Variants in SHROOM2 observed in about 807,000 individuals in gnomAD.
SHROOM2 encodes protein Shroom2.
A neutral mutation model predicts 75.9 loss-of-function variants in SHROOM2; 33 were observed. The ratio of observed to expected loss-of-function variants is 0.43; its 90% CI spans 0.33 to 0.58. The LOEUF (loss-of-function observed/expected upper bound fraction) is 0.58. SHROOM2 is among the 20% of genes least tolerant of loss of function. The pLI is 0.04. For missense variants in SHROOM2, 1,434 were observed against 1,461.2 expected (o/e 0.98, Z 0.30); for synonymous variants, 655 against 663.6 (o/e 0.99, Z 0.20).
chrX:9,788,662 G>C (rs765701238), intron 1 of SHROOM2, among the ~76,000 whole-genome samples: 1 of 111,433 alleles, frequency 9.0e-6, no homozygotes, highest in Non-Finnish European at 1.9e-5. Context: ...CCTTCAGTCA[G>C]TGCCATCTGC....
At chrX:9,945,773 G>A (rs1178423510) in intron 9 of SHROOM2, among the ~76,000 whole-genome samples, 1 of 112,051 alleles carries the variant, frequency 8.9e-6, no homozygotes, top group Non-Finnish European at 1.9e-5. Context: ...CAGTGGGTCT[G>A]TCTTTTCGTC....
chrX:9,939,441 C>G (rs1212154568), intron 8 of SHROOM2, 75 bp downstream of exon 8: 1 of 933,048 alleles, frequency 1.1e-6, no homozygotes, highest in African/African-American at 2.2e-5. Context: ...ACCATCCTGC[C>G]CCAGCGCAGA....
chrX:9,786,664 C>T lies in SHROOM2; in HGVS notation c.119C>T (p.Thr40Ile), dbSNP rs1450256460. Residue 40 changes from threonine to isoleucine, a missense_variant, in exon 1 of 10, where the codon ACC becomes ATC. This residue lies in a region of SHROOM2 where 1,340 missense variants were observed against 1,338.3 expected (regional missense o/e 1.00). Transcript: ENST00000380913. Reference protein sequence around the residue: ...QLSGGAPWGFTLKGGREHGEP... With the variant: ...QLSGGAPWGFILKGGREHGEP... The stretch of plus-strand genomic sequence containing the variant: ...AGCGGCGGCGCCCCGTGGGGCTTCA[C>T]CCTGAAGGGCGGCCGCGAGCACGGC... 3.4e-6 allele frequency: 3 copies of T among 887,875 alleles called. No homozygotes were observed. The highest frequency in any genetic ancestry group is 5.2e-5 in the East Asian group (1 of 19,147). The allele number at this position is 887,875 out of a possible 1,213,427, so 73.2% of individuals were successfully genotyped here.
At chrX:9,919,185 G>T (rs968855718) in intron 5 of SHROOM2, among the ~76,000 whole-genome samples, 2 of 111,116 alleles carry the variant, frequency 1.8e-5, no homozygotes, top group African/African-American at 6.6e-5. Flanking sequence ...GCTAGGAGGA[G>T]AGATACTAAA....
intron 1 of SHROOM2, among the ~76,000 whole-genome samples, chrX:9,833,849 C>T (rs1297107879): frequency 9.0e-6 from 1 of 111,314 alleles, no homozygotes; most frequent in Non-Finnish European, 1.9e-5. Flanking sequence ...CACTGAGATC[C>T]GACGGCCTCC....
intron 1 of SHROOM2, among the ~76,000 whole-genome samples, chrX:9,793,561 A>T (rs1488461881): frequency 9.0e-6 from 1 of 110,605 alleles, no homozygotes; most frequent in Non-Finnish European, 1.9e-5. Flanking sequence ...AAGTGCTGAG[A>T]TTACAGGCAT....
At position 9,932,772 on chromosome X, in the gene SHROOM2, G is replaced by A. The variant is rs140797565; in HGVS notation, c.3489G>A (p.Thr1163=). The A allele has an allele frequency of 1.1e-3, 1,362 of 1,208,712 alleles. 16 individuals are homozygous for A. The East Asian group carries it at 0.035, about 31-fold the overall frequency. Residue 1163 remains threonine (T), a synonymous_variant, in exon 6 of 10, where the codon ACG becomes ACA. Coordinates refer to ENST00000380913, the MANE Select transcript of SHROOM2 (RefSeq NM_001649.4). ...AGCAGCAGCACCTGCGCCTGCAGACGGCCACCATGGAGACCTCGCGCTCCC... is the reference window on the plus strand; with the variant it reads ...AGCAGCAGCACCTGCGCCTGCAGACAGCCACCATGGAGACCTCGCGCTCCC... ...PPKQQHLRLQ[T]ATMETSRSPS...
intron 5 of SHROOM2, among the ~76,000 whole-genome samples, chrX:9,919,396 A>G (rs1291826632): frequency 1.1e-5 from 1 of 86,967 alleles, no homozygotes; most frequent in Non-Finnish European, 2.1e-5. Context: ...CAGTGGCATG[A>G]TATCAGCTCA....
chrX:9,897,037 C>T (rs1438057807), intron 4 of SHROOM2, among the ~76,000 whole-genome samples: 2 of 112,289 alleles, frequency 1.8e-5, no homozygotes. Context: ...TAACTAACGC[C>T]TCTGACATGG....
intron 1 of SHROOM2, among the ~76,000 whole-genome samples, chrX:9,834,741 A>G (rs998649866): frequency 3.6e-5 from 4 of 111,569 alleles, no homozygotes; most frequent in Non-Finnish European, 7.5e-5. Flanking sequence ...TGGCACAATC[A>G]TGGTTCACCT....
chrX:9,916,378 T>A (rs2084490951), intron 5 of SHROOM2, among the ~76,000 whole-genome samples: 1 of 112,512 alleles, frequency 8.9e-6, no homozygotes, highest in African/African-American at 3.2e-5. Context: ...TGTGGACATT[T>A]AGGGCTGCTG....
At chrX:9,927,356 CAAAAAAAAAAAAAAAAAAAA>C (rs56344026) in intron 5 of SHROOM2, among the ~76,000 whole-genome samples, 4 of 24,394 alleles carry the variant, frequency 1.6e-4, no homozygotes, top group East Asian at 4.7e-3. Flanking sequence ...TCTCTGTCTC[CAAAAAAAAAAAAAAAAAAAA>C]AAAAAAAAAA....
Position 9,937,354 on chromosome X carries a change from C to T in SHROOM2, c.3808C>T (p.Pro1270Ser), listed in dbSNP as rs758372078. The change falls in exon 7 of 10, where the codon CCC (proline) becomes TCC (serine). Residue 1270 changes from proline (P) to serine (S), a missense_variant. Coordinates refer to ENST00000380913, the MANE Select transcript of SHROOM2 (RefSeq NM_001649.4). ...FCLYTRQGAE[P>S]EAPHRAQPAE... is the part of the protein sequence containing the mutation. ...TCTGTACACGCGGCAGGGTGCTGAG[C>T]CCGAGGCCCCACATAGGGCCCAGCC... is the stretch of plus-strand genomic sequence containing the variant. The T allele has an allele frequency of 8.3e-7, 1 of 1,204,025 alleles. No individual in the cohort carries two copies. Among genetic ancestry groups the T allele is most frequent in the South Asian group, 1.8e-5 (1 of 55,818 alleles).
At position 9,937,194 on chromosome X, in the gene SHROOM2, C is replaced by G. The variant is rs1204724090; in HGVS notation, c.3648C>G (p.His1216Gln). 3 of 1,204,321 alleles carry G rather than the reference C, an allele frequency of 2.5e-6. No homozygotes were observed. The highest frequency in any genetic ancestry group is 3.0e-5 in the East Asian group (1 of 33,384). ...AGATGGTGCCCATCAAGATCGTGCA[C>G]TCGGAGAGCCAGCCAGAGAAGGAGA... ...TVKMVPIKIV[H>Q]SESQPEKESR... Residue 1216 changes from histidine to glutamine, a missense_variant, in exon 7 of 10, where the codon CAC becomes CAG. Around this residue, in one of 3 missense-constraint regions of SHROOM2, gnomAD observed 1,340 missense variants for 1,338.3 expected, o/e 1.00. Coordinates refer to ENST00000380913, the MANE Select transcript of SHROOM2 (RefSeq NM_001649.4).
At position 9,786,529 on chromosome X, in the gene SHROOM2, C is replaced by T; in HGVS notation, c.-17C>T. 1 of 845,631 alleles carries T rather than the reference C, an allele frequency of 1.2e-6. No individual in the cohort carries two copies. The highest frequency in any genetic ancestry group is 2.2e-5 in the African/African-American group (1 of 46,317). 69.7% of individuals were successfully genotyped at this position (845,631 alleles called of 1,213,427 possible). A position where few individuals can be genotyped will look rare whatever the true frequency, so the allele number is the denominator to read the frequency against. On this transcript the variant is annotated 5_prime_UTR_variant, in exon 1 of 10. It adds an upstream start codon to the 5' untranslated region. Coordinates refer to ENST00000380913, the MANE Select transcript of SHROOM2 (RefSeq NM_001649.4). Reference sequence around the variant, plus strand: ...GGAGTGCATGGGCGCGGGCCAGGGACGCTGAGCGGTCGCGCCATGGAGGGC... The same window carrying T: ...GGAGTGCATGGGCGCGGGCCAGGGATGCTGAGCGGTCGCGCCATGGAGGGC...
intron 3 of SHROOM2, among the ~76,000 whole-genome samples, chrX:9,891,932 G>A (rs1293825093): frequency 2.7e-5 from 3 of 109,933 alleles, no homozygotes; most frequent in African/African-American, 9.9e-5. Context: ...TGTGTTTGGA[G>A]CTAATGTAAC....
At chrX:9,921,531 C>G (rs5979210) in intron 5 of SHROOM2, among the ~76,000 whole-genome samples, 3,315 of 102,648 alleles carry the variant, frequency 0.032, 89 homozygotes, top group East Asian at 0.13. Context: ...GAATTATTAA[C>G]TACAGACGCT....
At position 9,816,425 on chromosome X, in the gene SHROOM2, A is replaced by T. The variant is rs73472962; in HGVS notation, c.165+29715A>T. 7.4e-3 allele frequency among the ~76,000 whole-genome samples: 832 copies of T among 112,421 alleles called. 8 individuals carry two copies. The highest frequency in any genetic ancestry group is 0.025 in the African/African-American group (790 of 31,018). On this transcript the variant is annotated intron_variant, in intron 1 of 9. Transcript: ENST00000380913. ...ATTAAAACTCACAATTTCAAAGGTC[A>T]TAGGATTTTTGTCCTGACCCCGGTG...
chrX:9,819,789 C>CT lies in SHROOM2; in HGVS notation c.165+33098dup, dbSNP rs1276529105. 7.5e-3 allele frequency among the ~76,000 whole-genome samples: 702 copies of CT among 93,005 alleles called. 9 individuals are homozygous for CT. Among genetic ancestry groups the CT allele is most frequent in the African/African-American group, 0.02 (514 of 25,287 alleles). The allele number at this position is 93,005 out of a possible 115,157, so 80.8% of individuals were successfully genotyped here. A position where few individuals can be genotyped will look rare whatever the true frequency, so the allele number is the denominator to read the frequency against. ...CGTCGAGTCCACCCTGCCAGTTTAT[C>CT]TTTTTTTTTTTTTTTTTTTCTTGAG... On this transcript the variant is annotated intron_variant, in intron 1 of 9. Coordinates refer to ENST00000380913, the MANE Select transcript of SHROOM2 (RefSeq NM_001649.4).
Sources: allele counts gnomAD v4.1 joint callset (sites outside exome capture counted in the v4.1 genomes callset), GRCh38; gene constraint gnomAD v4.1.1; regional missense constraint gnomAD v4.1.1; transcripts MANE v1.5; gene names NCBI Gene and HGNC (gene_info 2026-07-23, HGNC 2026-07-21).